GNAO1: variants seen among roughly 807,000 people sequenced by gnomAD.
GNAO1 encodes G protein subunit alpha o1.
For synonymous variants in GNAO1, 164 were observed against 180.7 expected, an observed-to-expected ratio of 0.91 and a Z score of 0.74; for missense variants, 166 against 478.7, an observed-to-expected ratio of 0.35 and a Z score of 6.10.
In GNAO1 at chr16:56,261,220, G is replaced by C. The variant is rs114842108; in HGVS notation, c.162-14711G>C. ...TGAGAAATCATGATTTCCCTGAGGAGCCCCCATTTGGGGTGATCTGTACCT... is the reference window on the plus strand; with the variant it reads ...TGAGAAATCATGATTTCCCTGAGGACCCCCCATTTGGGGTGATCTGTACCT... On this transcript the variant is annotated intron_variant, in intron 2 of 8. Coordinates refer to ENST00000262493, the MANE Select transcript of GNAO1 (RefSeq NM_020988.3). Among the ~76,000 whole-genome samples the C allele has an allele frequency of 6.9e-3, 1,058 of 152,308 alleles. 12 individuals are homozygous for C. The highest frequency in any genetic ancestry group is 0.024 in the African/African-American group (1,001 of 41,558).
chr16:56,270,876 A>T (rs2037009535), intron 2 of GNAO1: 1 of 152,132 alleles, frequency 6.6e-6, no homozygotes, highest in African/African-American at 2.4e-5. Flanking sequence ...CTGGGACTTG[A>T]TTCTGCACTC....
intron 2 of GNAO1, among the ~76,000 whole-genome samples, chr16:56,237,421 A>G (rs1001259265): frequency 6.6e-6 from 1 of 152,168 alleles, no homozygotes; most frequent in African/African-American, 2.4e-5. Context: ...GTGCAGAGCA[A>G]TGCCACAGGA....
chr16:56,277,776 TACACACACAC>T (rs60891936), intron 3 of GNAO1, among the ~76,000 whole-genome samples: 1,700 of 108,154 alleles, frequency 0.016, 40 homozygotes, highest in East Asian at 0.049. Flanking sequence ...GCACACCCCC[TACACACACAC>T]ACACACACAC....
At chr16:56,336,093 C>G (rs2037737359) in intron 5 of GNAO1, among the ~76,000 whole-genome samples, 1 of 152,186 alleles carries the variant, frequency 6.6e-6, no homozygotes, top group African/African-American at 2.4e-5. Context: ...TAAGTCCCAC[C>G]TGCCCACAGT....
chr16:56,283,891 G>A (rs2037138641), intron 3 of GNAO1, among the ~76,000 whole-genome samples: 1 of 152,104 alleles, frequency 6.6e-6, no homozygotes, highest in Admixed American at 6.5e-5. Context: ...ATCTCATTCT[G>A]CTGCTCCATT....
chr16:56,205,643 T>G (rs1349731663), intron 2 of GNAO1, among the ~76,000 whole-genome samples: 1 of 152,212 alleles, frequency 6.6e-6, no homozygotes, highest in Non-Finnish European at 1.5e-5. Context: ...CTATTCCCTG[T>G]CTTCTTTGGT....
chr16:56,345,120 C>T (rs2037852063), intron 6 of GNAO1: 1 of 985,702 alleles, frequency 1.0e-6, no homozygotes, highest in Non-Finnish European at 1.2e-6. Flanking sequence ...TGCGGAGATC[C>T]CTGAGCAGAA....
chr16:56,323,903 T>C lies in GNAO1; in HGVS notation c.304-4728T>C, dbSNP rs545089230. 1.2e-4 allele frequency among the ~76,000 whole-genome samples: 19 copies of C among 152,112 alleles called. No individual in the cohort carries two copies. The South Asian group carries it at 3.7e-3, about 30-fold the overall frequency. Reference sequence around the variant, plus strand: ...GGAGGAGCAGACAGCTGAAAGCAGATCTGAAAGAAGAACTGCAGGGCACTG... The same window carrying C: ...GGAGGAGCAGACAGCTGAAAGCAGACCTGAAAGAAGAACTGCAGGGCACTG... On this transcript the variant is annotated intron_variant, in intron 3 of 8. Coordinates refer to ENST00000262493, the MANE Select transcript of GNAO1 (RefSeq NM_020988.3).
At chr16:56,305,788 C>A (rs1187115300) in intron 3 of GNAO1, among the ~76,000 whole-genome samples, 1 of 152,174 alleles carries the variant, frequency 6.6e-6, no homozygotes, top group Non-Finnish European at 1.5e-5. Flanking sequence ...TTGGTTTCTT[C>A]TGAGGCCTCT....
At chr16:56,342,782 G>A (rs1353994253) in intron 6 of GNAO1, among the ~76,000 whole-genome samples, 1 of 152,188 alleles carries the variant, frequency 6.6e-6, no homozygotes, top group Non-Finnish European at 1.5e-5. Flanking sequence ...AAACTTCCTT[G>A]CTCATGACCC....
intron 3 of GNAO1, among the ~76,000 whole-genome samples, chr16:56,319,206 A>C (rs1437484567): frequency 6.6e-6 from 1 of 152,228 alleles, no homozygotes; most frequent in Non-Finnish European, 1.5e-5. Context: ...GTTTCACACA[A>C]AGAATATACC....
intron 3 of GNAO1, among the ~76,000 whole-genome samples, chr16:56,309,689 G>A (rs528146028): frequency 1.3e-5 from 2 of 152,294 alleles, no homozygotes; most frequent in Admixed American, 1.3e-4. Context: ...AGAGGGAGGT[G>A]AAGTGACCTG....
intron 6 of GNAO1, chr16:56,344,259 C>T (rs1443050059): frequency 3.8e-6 from 5 of 1,299,336 alleles, no homozygotes; most frequent in Non-Finnish European, 4.9e-6. Flanking sequence ...CAGATGGGCA[C>T]ACCCTGCACC....
intron 2 of GNAO1, among the ~76,000 whole-genome samples, chr16:56,216,316 C>T (rs1450273509): frequency 6.6e-6 from 1 of 152,150 alleles, no homozygotes; most frequent in African/African-American, 2.4e-5. Flanking sequence ...TAAGCATTGC[C>T]CCTCTGAGTT....
chr16:56,249,058 G>A (rs567123360), intron 2 of GNAO1, among the ~76,000 whole-genome samples: 147 of 152,318 alleles, frequency 9.7e-4, no homozygotes, highest in African/African-American at 3.2e-3. Context: ...AAGAAACTAC[G>A]GTGGTAGTGA....
intron 2 of GNAO1, among the ~76,000 whole-genome samples, chr16:56,252,441 A>G (rs1225738142): frequency 1.3e-5 from 2 of 152,214 alleles, no homozygotes; most frequent in Non-Finnish European, 2.9e-5. Context: ...TGGGCACTCT[A>G]GTGCCTTGCT....
At chr16:56,226,403 A>G (rs1464753665) in intron 2 of GNAO1, 2 of 152,216 alleles carry the variant, frequency 1.3e-5, no homozygotes, top group African/African-American at 2.4e-5. Flanking sequence ...GCTGGTTTCA[A>G]GCTACCCATC....
rs191977796 is a variant in GNAO1 at position 56,215,327 on chromosome 16, C to A, written c.161+22711C>A. 1.6e-3 allele frequency among the ~76,000 whole-genome samples: 245 copies of A among 152,330 alleles called. 1 individual carries two copies. Among genetic ancestry groups the A allele is most frequent in the Middle Eastern group, 3.4e-3 (1 of 294 alleles). On this transcript the variant is annotated intron_variant, in intron 2 of 8. Transcript: ENST00000262493. ...TTTGTCTATCTGAGTTTCGTAGACA[C>A]ACGAGCAAACACACACATGCACTAC... is the stretch of plus-strand genomic sequence containing the variant.
chr16:56,261,083 G>A (rs2036899452), intron 2 of GNAO1, among the ~76,000 whole-genome samples: 1 of 152,210 alleles, frequency 6.6e-6, no homozygotes, highest in South Asian at 2.1e-4. Context: ...AAGTTGGCGT[G>A]GCAACTGACC....
Sources: gnomAD v4.1 joint callset for allele counts (sites outside exome capture counted in the v4.1 genomes callset) on GRCh38, gnomAD v4.1.1 for gene constraint, MANE v1.5 for transcripts, NCBI Gene and HGNC (gene_info 2026-07-23, HGNC 2026-07-21) for gene names.